Variants in CMTR1 observed in about 807,000 individuals in gnomAD.
CMTR1 encodes cap-specific mRNA (nucleoside-2'-O-)-methyltransferase 1.
Under a neutral mutation model 107.0 loss-of-function variants are expected in CMTR1, and 39 were observed. The observed-to-expected ratio is 0.36, with a 90% CI of 0.28 to 0.48. CMTR1 has a LOEUF of 0.48. CMTR1 is among the 20% of genes least tolerant of loss of function. The probability of loss-of-function intolerance (pLI) is 0.99; values close to 1 mark genes in which losing one functional copy is unlikely to be tolerated. For missense variants in CMTR1, 672 were observed against 1,064.9 expected (o/e 0.63, Z 5.14); for synonymous variants, 366 against 379.5 (o/e 0.96, Z 0.41).
chr6:37,473,369 T>C lies in CMTR1; in HGVS notation c.1690-101T>C, dbSNP rs1761667526. On this transcript the variant is annotated intron_variant, in intron 16 of 23. Transcript: ENST00000373451. ...GGAGCATATTTCAGAGAGCCAATGC[T>C]TCCTGTCCCTTGCCTTGTCGAGCCT... is the stretch of plus-strand genomic sequence containing the variant. The C allele has an allele frequency of 2.4e-5, 31 of 1,318,480 alleles. No homozygotes were observed. In the South Asian group the frequency reaches 4.2e-4, roughly 18 times the overall value. The allele number at this position is 1,318,480 out of a possible 1,614,324, so 81.7% of individuals were successfully genotyped here.
upstream of CMTR1, among the ~76,000 whole-genome samples, chr6:37,432,859 T>C (rs527388738): frequency 3.0e-4 from 46 of 152,328 alleles, no homozygotes; most frequent in African/African-American, 1.1e-3. Context: ...GGCTGGATGT[T>C]GGGGATACAG....
chr6:37,480,798 C>G lies in CMTR1; in HGVS notation c.*653C>G. The G allele has an allele frequency of 9.0e-7, 1 of 1,116,112 alleles. No individual in the cohort carries two copies. Among genetic ancestry groups the G allele is most frequent in the South Asian group, 2.1e-5 (1 of 46,622 alleles). 69.1% of individuals were successfully genotyped at this position (1,116,112 alleles called of 1,614,324 possible). On this transcript the variant is annotated 3_prime_UTR_variant, in exon 24 of 24. Coordinates refer to ENST00000373451, the MANE Select transcript of CMTR1 (RefSeq NM_015050.3). ...GAAGGAGGGAGTTTGGGCAAACTCT[C>G]ATCCCTGATACCACATTGAGATCCT...
At chr6:37,477,522 TC>T in intron 20 of CMTR1, 69 bp from the exon 21 acceptor site, 1 of 1,435,252 alleles carries the variant, frequency 7.0e-7, no homozygotes, top group Non-Finnish European at 9.8e-7. Context: ...GTCTCCTGCC[TC>T]CCAGCTGCCT....
At chr6:37,460,471 G>C (rs988094827) in intron 10 of CMTR1, among the ~76,000 whole-genome samples, 1 of 152,072 alleles carries the variant, frequency 6.6e-6, no homozygotes, top group African/African-American at 2.4e-5. Context: ...CAGCTATAGA[G>C]TTGGAAGCTC....
At chr6:37,446,816 C>T (rs1771809150) in intron 4 of CMTR1, among the ~76,000 whole-genome samples, 1 of 152,194 alleles carries the variant, frequency 6.6e-6, no homozygotes, top group Admixed American at 6.5e-5. Flanking sequence ...CAAGGGAGCA[C>T]CCACTCTCTC....
chr6:37,433,122 G>A (rs572365730), upstream of CMTR1: 2 of 152,376 alleles, frequency 1.3e-5, no homozygotes, highest in Admixed American at 6.5e-5. Context: ...TTGAGAGGTG[G>A]AGCGGGCCAA....
rs6457988 is a variant in CMTR1 at position 37,458,346 on chromosome 6, C to T, written c.778-266C>T. 0.02 allele frequency among the ~76,000 whole-genome samples: 3,066 copies of T among 152,156 alleles called. 86 individuals carry two copies. The highest frequency in any genetic ancestry group is 0.067 in the African/African-American group (2,769 of 41,494). ...CTGGGATTACAGGCTTGAGCCACCG[C>T]GCCTGGCTCCATGAAGATGTTTTTA... On this transcript the variant is annotated intron_variant, in intron 8 of 23. Transcript: ENST00000373451. The surrounding 1 kb of genome is among the most constrained non-coding windows in gnomAD (Gnocchi z 4.7).
chr6:37,460,133 C>T (rs1428198935), intron 10 of CMTR1, among the ~76,000 whole-genome samples: 1 of 152,218 alleles, frequency 6.6e-6, no homozygotes, highest in Non-Finnish European at 1.5e-5. Context: ...AGTAATCTGA[C>T]AATGCAGGCA....
Position 37,480,597 on chromosome 6 carries a change from C to A in CMTR1, c.*452C>A. The A allele has an allele frequency of 9.7e-7, 1 of 1,034,414 alleles. No homozygotes were observed. The highest frequency in any genetic ancestry group is 1.2e-6 in the Non-Finnish European group (1 of 862,308). The allele number at this position is 1,034,414 out of a possible 1,614,324, so 64.1% of individuals were successfully genotyped here. A position where few individuals can be genotyped will look rare whatever the true frequency, so the allele number is the denominator to read the frequency against. On this transcript the variant is annotated 3_prime_UTR_variant, in exon 24 of 24. Coordinates refer to ENST00000373451, the MANE Select transcript of CMTR1 (RefSeq NM_015050.3). Reference sequence around the variant, plus strand: ...GGGCCATCCCTGAGTGGGTGGAGACCTGCTGTCATGAGCTGGCCAGGAGAA... The same window carrying A: ...GGGCCATCCCTGAGTGGGTGGAGACATGCTGTCATGAGCTGGCCAGGAGAA...
At position 37,444,170 on chromosome 6, in the gene CMTR1, G is replaced by C; in HGVS notation, c.285+20G>C. On this transcript the variant is annotated intron_variant, in intron 3 of 23. Coordinates refer to ENST00000373451, the MANE Select transcript of CMTR1 (RefSeq NM_015050.3). ...CTTATGGTATGTCAGCGCTTGGGTT[G>C]GGTTTCTCAAGCCCCACCAGCAGAG... The C allele has an allele frequency of 6.2e-7, 1 of 1,611,210 alleles. No homozygotes were observed. The highest frequency in any genetic ancestry group is 8.5e-7 in the Non-Finnish European group (1 of 1,178,648).
intron 8 of CMTR1, among the ~76,000 whole-genome samples, chr6:37,454,368 C>T (rs1348767694): frequency 6.6e-6 from 1 of 152,224 alleles, no homozygotes; most frequent in Non-Finnish European, 1.5e-5. Context: ...ATTTTTCACT[C>T]CCAGGTCTCC....
chr6:37,461,118 A>T (rs1761395545), intron 10 of CMTR1, among the ~76,000 whole-genome samples: 1 of 152,200 alleles, frequency 6.6e-6, no homozygotes, highest in South Asian at 2.1e-4. Context: ...TGGGAAGCCG[A>T]AGCAGAGTGT....
At chr6:37,470,393 G>A (rs1219113763) in intron 13 of CMTR1, among the ~76,000 whole-genome samples, 13 of 151,802 alleles carry the variant, frequency 8.6e-5, no homozygotes, top group Admixed American at 5.9e-4. Context: ...TGATCCGCCC[G>A]CCTCAGCCTC....
At chr6:37,478,847 TC>T (rs1390513145) in intron 22 of CMTR1, among the ~76,000 whole-genome samples, 4 of 152,200 alleles carry the variant, frequency 2.6e-5, no homozygotes, top group African/African-American at 9.7e-5. Context: ...TCCATTTGCA[TC>T]CCCCTTTCTT....
chr6:37,451,894 A>G lies in CMTR1; in HGVS notation c.609+17A>G, dbSNP rs1301217334. On this transcript the variant is annotated intron_variant, in intron 6 of 23. Transcript: ENST00000373451. Reference sequence around the variant, plus strand: ...CAGTGTAAGGTAAGGTCTTGTGGCTAGAACCAGATAATGAAAACCTTGTGG... The same window carrying G: ...CAGTGTAAGGTAAGGTCTTGTGGCTGGAACCAGATAATGAAAACCTTGTGG... 1 of 1,603,998 alleles carries G rather than the reference A, an allele frequency of 6.2e-7. No homozygotes were observed. Among genetic ancestry groups the G allele is most frequent in the East Asian group, 2.2e-5 (1 of 44,836 alleles).
chr6:37,475,664 G>A (rs1761722019), intron 19 of CMTR1: 3 of 568,932 alleles, frequency 5.3e-6, no homozygotes, highest in South Asian at 2.0e-5. Context: ...AGCTGCTCAG[G>A]TTGAGGTATT....
At chr6:37,428,917 T>C (rs1771328613), upstream of CMTR1, among the ~76,000 whole-genome samples, 1 of 152,230 alleles carries the variant, frequency 6.6e-6, no homozygotes, top group African/African-American at 2.4e-5. Flanking sequence ...TTCTGAGCTT[T>C]TTGAGTCTGT....
chr6:37,436,282 T>C (rs1771530381), intron 2 of CMTR1: 1 of 152,372 alleles, frequency 6.6e-6, no homozygotes, highest in African/African-American at 2.4e-5. Context: ...TGGTTGAAAC[T>C]AGCATTTTGC....
At chr6:37,446,214 A>G in intron 3 of CMTR1, 77 bp from the exon 4 acceptor site, 1 of 1,451,766 alleles carries the variant, frequency 6.9e-7, no homozygotes, top group Non-Finnish European at 9.5e-7. Context: ...GATTTAGCAC[A>G]CTGTTTGGCA....
Sources: gnomAD v4.1 joint callset for allele counts (sites outside exome capture counted in the v4.1 genomes callset) on GRCh38, gnomAD v4.1.1 for gene constraint, Gnocchi (gnomAD v3.1) non-coding constraint, MANE v1.5 for transcripts, NCBI Gene and HGNC (gene_info 2026-07-23, HGNC 2026-07-21) for gene names.